Variants in SLIT3 observed in about 807,000 individuals in gnomAD.
The protein encoded by SLIT3 is slit homolog 3 protein.
A neutral mutation model predicts 184.0 loss-of-function variants in SLIT3; 68 were observed. That is an observed-to-expected ratio of 0.37 (90% confidence interval 0.30 to 0.45). SLIT3 has a LOEUF of 0.45. Among genes scored for constraint, SLIT3 ranks in the 20% least tolerant of loss-of-function variants. SLIT3 has a pLI of 1.00. For missense variants in SLIT3, 1,707 were observed against 2,026.0 expected (o/e 0.84, Z 3.02); for synonymous variants, 831 against 828.6 (o/e 1.00, Z -0.05).
At chr5:169,177,663 A>G (rs539085948) in intron 4 of SLIT3, among the ~76,000 whole-genome samples, 1 of 152,272 alleles carries the variant, frequency 6.6e-6, no homozygotes, top group Admixed American at 6.5e-5. Context: ...TATAAAGGAG[A>G]AGTAACTATC....
rs72839515 is a variant in SLIT3 at position 168,699,094 on chromosome 5, C to A, written c.2942+1488G>T. Reference sequence around the variant, plus strand: ...CCGTGGCCACCTCCATGTTTCCCTGCAGTTTCTTCTCACCCCTGCTCTATG... The same window carrying A: ...CCGTGGCCACCTCCATGTTTCCCTGAAGTTTCTTCTCACCCCTGCTCTATG... On this transcript the variant is annotated intron_variant, in intron 27 of 35. Coordinates refer to ENST00000519560, the MANE Select transcript of SLIT3 (RefSeq NM_003062.4). Among the ~76,000 whole-genome samples, 376 of 152,304 alleles carry A rather than the reference C, an allele frequency of 2.5e-3. 1 individual carries two copies. The highest frequency in any genetic ancestry group is 2.7e-3 in the Non-Finnish European group (182 of 68,022).
At chr5:169,187,939 C>T (rs1057109869) in intron 4 of SLIT3, among the ~76,000 whole-genome samples, 4 of 151,888 alleles carry the variant, frequency 2.6e-5, no homozygotes, top group Non-Finnish European at 5.9e-5. Flanking sequence ...CAAGCTCTCA[C>T]ATCTGGTAAA....
intron 26 of SLIT3, among the ~76,000 whole-genome samples, chr5:168,704,446 G>A (rs367749343): frequency 6.6e-6 from 1 of 152,176 alleles, no homozygotes; most frequent in Non-Finnish European, 1.5e-5. Flanking sequence ...GAGGCTTAGG[G>A]AGAATCTGAC....
chr5:168,730,075 C>G (rs1763248753), intron 20 of SLIT3, among the ~76,000 whole-genome samples: 1 of 149,278 alleles, frequency 6.7e-6, no homozygotes, highest in African/African-American at 2.5e-5. Context: ...AGTAGCTACA[C>G]TTATATCAGA....
At chr5:169,200,414 C>T (rs1178762768) in intron 3 of SLIT3, among the ~76,000 whole-genome samples, 1 of 152,204 alleles carries the variant, frequency 6.6e-6, no homozygotes, top group Non-Finnish European at 1.5e-5. Context: ...TTCAGAAACA[C>T]TCACATGTCT....
chr5:168,894,636 C>T (rs1487921391), intron 4 of SLIT3, among the ~76,000 whole-genome samples: 3 of 152,214 alleles, frequency 2.0e-5, no homozygotes, highest in African/African-American at 4.8e-5. Flanking sequence ...TAAGCTGAGG[C>T]GTGGGAATGA....
intron 4 of SLIT3, among the ~76,000 whole-genome samples, chr5:168,884,427 T>TCTCTCACACACA (rs1451821641): frequency 1.4e-5 from 2 of 144,334 alleles, no homozygotes; most frequent in African/African-American, 5.2e-5. Context: ...TCTCTCTCTC[T>TCTCTCACACACA]CACACACACA....
At chr5:169,192,430 T>C (rs1763586104) in intron 4 of SLIT3, among the ~76,000 whole-genome samples, 1 of 141,440 alleles carries the variant, frequency 7.1e-6, no homozygotes, top group African/African-American at 2.5e-5. Context: ...TCTCTGTGTG[T>C]GTGTGTGTGT....
chr5:168,907,963 T>TAGAG (rs1282182817), intron 4 of SLIT3, among the ~76,000 whole-genome samples: 3 of 79,490 alleles, frequency 3.8e-5, no homozygotes, highest in African/African-American at 1.4e-4. Flanking sequence ...TATATATATA[T>TAGAG]ATATATATAT....
chr5:169,027,007 G>T (rs1002874285), intron 4 of SLIT3, among the ~76,000 whole-genome samples: 6 of 152,186 alleles, frequency 3.9e-5, no homozygotes, highest in African/African-American at 1.2e-4. Context: ...TAGATCTTTA[G>T]GAGTAAAAGA....
At chr5:169,275,125 A>T (rs1185754714) in intron 1 of SLIT3, among the ~76,000 whole-genome samples, 1 of 152,244 alleles carries the variant, frequency 6.6e-6, no homozygotes, top group Non-Finnish European at 1.5e-5. Flanking sequence ...AATGGTTGTT[A>T]CGTGCCTTCA....
intron 4 of SLIT3, among the ~76,000 whole-genome samples, chr5:169,052,260 C>T (rs1208290427): frequency 6.6e-6 from 1 of 152,234 alleles, no homozygotes; most frequent in South Asian, 2.1e-4. Context: ...TTTCCTGAGT[C>T]AATGAATGCC....
Position 169,128,623 on chromosome 5 carries a change from G to T in SLIT3, c.413+64856C>A, listed in dbSNP as rs868546682. On this transcript the variant is annotated intron_variant, in intron 4 of 35. Coordinates refer to ENST00000519560, the MANE Select transcript of SLIT3 (RefSeq NM_003062.4). ...TTTTTGTATTTTTAGTAGAGACGAGGTTTCACCATCTTGGCCAGGCTGGTT... is the reference window on the plus strand; with the variant it reads ...TTTTTGTATTTTTAGTAGAGACGAGTTTTCACCATCTTGGCCAGGCTGGTT... 2.0e-5 allele frequency among the ~76,000 whole-genome samples: 3 copies of T among 152,130 alleles called. No homozygotes were observed. The East Asian group carries it at 5.8e-4, about 29-fold the overall frequency.
chr5:168,717,003 C>T (rs1453400560), intron 23 of SLIT3, among the ~76,000 whole-genome samples: 1 of 137,612 alleles, frequency 7.3e-6, no homozygotes, highest in Non-Finnish European at 1.5e-5. Context: ...TCCCCCAGTG[C>T]ATATGCCTTT....
chr5:168,907,901 T>TAG (rs1200513404), intron 4 of SLIT3, among the ~76,000 whole-genome samples: 2 of 137,940 alleles, frequency 1.4e-5, no homozygotes, highest in Non-Finnish European at 1.6e-5. Flanking sequence ...ATATCATATA[T>TAG]ATATAGATCT....
At chr5:168,849,302 A>C (rs889183783) in intron 5 of SLIT3, among the ~76,000 whole-genome samples, 12 of 152,202 alleles carry the variant, frequency 7.9e-5, no homozygotes, top group Non-Finnish European at 1.5e-4. Context: ...GCCTGAGGGC[A>C]CTGTCCCTCC....
At chr5:168,708,356 T>A (rs974303483) in intron 25 of SLIT3, 17 of 554,808 alleles carry the variant, frequency 3.1e-5, no homozygotes, top group Non-Finnish European at 5.2e-5. Flanking sequence ...ATTACTGTAA[T>A]TAGCCTGATC....
chr5:169,034,091 C>T (rs531801544), intron 4 of SLIT3, among the ~76,000 whole-genome samples: 14 of 152,246 alleles, frequency 9.2e-5, no homozygotes, highest in African/African-American at 1.9e-4. Context: ...GGATTACAGG[C>T]GTGAGCCACC....
intron 4 of SLIT3, among the ~76,000 whole-genome samples, chr5:169,030,838 G>A (rs72826565): frequency 0.012 from 1,845 of 152,276 alleles, 13 homozygotes; most frequent in Non-Finnish European, 0.014. Context: ...TTATTGGCTC[G>A]GAAGTAGAAC....
Sources: gnomAD v4.1 joint callset for allele counts (sites outside exome capture counted in the v4.1 genomes callset) on GRCh38, gnomAD v4.1.1 for gene constraint, MANE v1.5 for transcripts, NCBI Gene and HGNC (gene_info 2026-07-23, HGNC 2026-07-21) for gene names.